CACNA2D3: variants seen among roughly 807,000 people sequenced by gnomAD.
CACNA2D3 encodes the protein calcium voltage-gated channel auxiliary subunit alpha2delta 3.
Under a neutral mutation model 160.6 loss-of-function variants are expected in CACNA2D3, and 60 were observed. That is an observed-to-expected ratio of 0.37 (90% CI 0.30 to 0.46). The LOEUF (loss-of-function observed/expected upper bound fraction) is 0.46, where lower values mean the gene tolerates loss of function less well. CACNA2D3 is among the 20% of genes least tolerant of loss of function. The pLI is 1.00. For synonymous variants in CACNA2D3, 558 were observed against 492.9 expected (o/e 1.13, Z -1.75); for missense variants, 1,205 against 1,365.0 (o/e 0.88, Z 1.85).
chr3:54,799,820 C>T (rs1472003832), intron 13 of CACNA2D3, among the ~76,000 whole-genome samples: 2 of 152,128 alleles, frequency 1.3e-5, no homozygotes, highest in East Asian at 1.9e-4. Context: ...ATGTCTGTCC[C>T]AGGTGGCTGC....
At chr3:54,770,977 C>G (rs1378935464) in intron 13 of CACNA2D3, among the ~76,000 whole-genome samples, 1 of 152,136 alleles carries the variant, frequency 6.6e-6, no homozygotes, top group Non-Finnish European at 1.5e-5. Context: ...ATCTTCCTTG[C>G]ATTCAGAGAA....
intron 35 of CACNA2D3, among the ~76,000 whole-genome samples, chr3:55,040,521 G>A (rs1575447807): frequency 6.6e-6 from 1 of 152,070 alleles, no homozygotes; most frequent in Non-Finnish European, 1.5e-5. Context: ...AAAAAACTGT[G>A]TTTTAAAGTC....
chr3:54,847,587 A>T (rs1333732784), intron 17 of CACNA2D3, among the ~76,000 whole-genome samples: 1 of 152,226 alleles, frequency 6.6e-6, no homozygotes, highest in Non-Finnish European at 1.5e-5. Context: ...GTATTAATGG[A>T]GTCATGACCA....
At chr3:54,162,447 C>T (rs1423161395) in intron 2 of CACNA2D3, among the ~76,000 whole-genome samples, 1 of 152,090 alleles carries the variant, frequency 6.6e-6, no homozygotes, top group African/African-American at 2.4e-5. Flanking sequence ...TCCATATAGT[C>T]TCTGTCTAGG....
At chr3:54,248,414 G>A (rs1002766755) in intron 2 of CACNA2D3, among the ~76,000 whole-genome samples, 15 of 150,664 alleles carry the variant, frequency 1.0e-4, no homozygotes, top group Non-Finnish European at 2.1e-4. Context: ...CTGGGAGATG[G>A]AGGTTGCAAT....
intron 3 of CACNA2D3, among the ~76,000 whole-genome samples, chr3:54,385,343 C>G (rs990662671): frequency 6.6e-6 from 1 of 152,134 alleles, no homozygotes; most frequent in Non-Finnish European, 1.5e-5. Flanking sequence ...AGCTGAGGCT[C>G]AGACAGGGGA....
At chr3:54,466,083 C>T (rs1700620019) in intron 4 of CACNA2D3, among the ~76,000 whole-genome samples, 1 of 152,182 alleles carries the variant, frequency 6.6e-6, no homozygotes, top group South Asian at 2.1e-4. Context: ...ACTTTCTCTT[C>T]TGCCACCAGC....
chr3:54,730,297 G>A (rs2107011660), intron 11 of CACNA2D3, among the ~76,000 whole-genome samples: 1 of 152,224 alleles, frequency 6.6e-6, no homozygotes, highest in East Asian at 1.9e-4. Flanking sequence ...TCCATGCAAA[G>A]AAGACACATT....
intron 25 of CACNA2D3, among the ~76,000 whole-genome samples, chr3:54,895,736 C>A (rs1700173210): frequency 6.6e-6 from 1 of 152,182 alleles, no homozygotes; most frequent in South Asian, 2.1e-4. Flanking sequence ...CAGACTGTGG[C>A]CTAACCAGGC....
intron 5 of CACNA2D3, among the ~76,000 whole-genome samples, chr3:54,557,962 G>A (rs140462238): frequency 5.7e-4 from 87 of 152,264 alleles, no homozygotes; most frequent in African/African-American, 1.9e-3. Context: ...GACACAACAA[G>A]CCAGTACACT....
chr3:54,322,486 A>G (rs1704025984), intron 3 of CACNA2D3, among the ~76,000 whole-genome samples: 1 of 152,238 alleles, frequency 6.6e-6, no homozygotes, highest in Non-Finnish European at 1.5e-5. Flanking sequence ...TGTCTTAGAA[A>G]TGACCAAACA....
intron 4 of CACNA2D3, among the ~76,000 whole-genome samples, chr3:54,421,554 A>C (rs981859755): frequency 6.6e-6 from 1 of 152,074 alleles, no homozygotes; most frequent in Non-Finnish European, 1.5e-5. Flanking sequence ...ATGGGATTCT[A>C]TATACCCTTC....
At chr3:54,459,912 C>A (rs1320055527) in intron 4 of CACNA2D3, among the ~76,000 whole-genome samples, 2 of 152,134 alleles carry the variant, frequency 1.3e-5, no homozygotes. Flanking sequence ...TTAGGTCTAA[C>A]ATTTAAGTCT....
In CACNA2D3 at chr3:54,214,152, C is replaced by T. The variant is rs147682725; in HGVS notation, c.204+90558C>T. ...ATGCCTCTGACAGGAACAAAGCTGG[C>T]AGATTCTCATATTCCAGAAGACTCT... On this transcript the variant is annotated intron_variant, in intron 2 of 37. Transcript: ENST00000474759. Among the ~76,000 whole-genome samples the T allele has an allele frequency of 9.3e-3, 1,420 of 152,290 alleles. 17 individuals carry two copies. The highest frequency in any genetic ancestry group is 0.014 in the Non-Finnish European group (922 of 68,030).
chr3:54,937,727 A>T (rs1375597048), intron 27 of CACNA2D3, among the ~76,000 whole-genome samples: 1 of 151,860 alleles, frequency 6.6e-6, no homozygotes, highest in East Asian at 1.9e-4. Flanking sequence ...CAGAGAGGGG[A>T]AGAGACGAGG....
intron 4 of CACNA2D3, among the ~76,000 whole-genome samples, chr3:54,472,692 A>G (rs1054881639): frequency 1.3e-5 from 2 of 152,230 alleles, no homozygotes; most frequent in African/African-American, 2.4e-5. Flanking sequence ...GCAAAGTCTC[A>G]GGATACAAAA....
chr3:54,837,601 T>C (rs565714006), intron 15 of CACNA2D3, among the ~76,000 whole-genome samples: 2 of 152,086 alleles, frequency 1.3e-5, no homozygotes, highest in African/African-American at 4.8e-5. Context: ...AAATAGAAAT[T>C]TCTTCTCTCA....
At chr3:54,587,440 C>T (rs542626689) in intron 9 of CACNA2D3, among the ~76,000 whole-genome samples, 1 of 152,018 alleles carries the variant, frequency 6.6e-6, no homozygotes, top group Non-Finnish European at 1.5e-5. Context: ...GCCTATAGTC[C>T]CAGCTACTCG....
intron 4 of CACNA2D3, among the ~76,000 whole-genome samples, chr3:54,465,233 A>G (rs1339950522): frequency 2.0e-5 from 3 of 151,712 alleles, no homozygotes; most frequent in Admixed American, 6.6e-5. Context: ...TGTTTCCTTC[A>G]GATCATGTAT....
Sources: gnomAD v4.1 joint callset for allele counts (sites outside exome capture counted in the v4.1 genomes callset) on GRCh38, gnomAD v4.1.1 for gene constraint, MANE v1.5 for transcripts, NCBI Gene and HGNC (gene_info 2026-07-23, HGNC 2026-07-21) for gene names.